LZTS1: variants seen among roughly 807,000 people sequenced by gnomAD.
LZTS1 encodes leucine zipper putative tumor suppressor 1.
LZTS1 carries 31 observed loss-of-function variants against 45.8 expected under a neutral mutation model. The observed-to-expected ratio is 0.68, with a 90% CI of 0.51 to 0.91. LZTS1 has a LOEUF of 0.91. Among genes scored for constraint, LZTS1 ranks in the 40% least tolerant of loss-of-function variants. The pLI, the probability that LZTS1 is intolerant of heterozygous loss-of-function variation, is 0.00. For missense variants in LZTS1, 821 were observed against 788.9 expected (o/e 1.04, Z -0.49); for synonymous variants, 359 against 357.3 (o/e 1.00, Z -0.05).
At chr8:20,262,967 T>C (rs1284951828) in intron 1 of LZTS1, among the ~76,000 whole-genome samples, 2 of 152,340 alleles carry the variant, frequency 1.3e-5, no homozygotes, top group Middle Eastern at 3.4e-3. Flanking sequence ...ACTTGTAATA[T>C]GAAGGCAACC....
intron 1 of LZTS1, among the ~76,000 whole-genome samples, chr8:20,287,291 G>A (rs1030438480): frequency 2.0e-5 from 3 of 152,182 alleles, no homozygotes; most frequent in Non-Finnish European, 2.9e-5. Context: ...ACCCTTTCAC[G>A]GGGCCCAGCT....
At chr8:20,270,497 G>A (rs1182066150) in intron 1 of LZTS1, among the ~76,000 whole-genome samples, 2 of 152,224 alleles carry the variant, frequency 1.3e-5, no homozygotes, top group African/African-American at 4.8e-5. Context: ...TGGAGCTTGT[G>A]AGTTTGGATG....
intron 2 of LZTS1, among the ~76,000 whole-genome samples, chr8:20,254,503 C>T (rs1218361495): frequency 6.6e-6 from 1 of 152,234 alleles, no homozygotes; most frequent in Admixed American, 6.5e-5. Flanking sequence ...GCTCCCTCTC[C>T]TTCCCGAGGC....
chr8:20,273,243 C>T (rs995679091), intron 1 of LZTS1, among the ~76,000 whole-genome samples: 4 of 152,104 alleles, frequency 2.6e-5, no homozygotes, highest in Admixed American at 6.5e-5. Context: ...CCTCCTGTTG[C>T]GCAGCCTGTC....
chr8:20,265,559 G>A (rs1800335750), intron 1 of LZTS1, among the ~76,000 whole-genome samples: 1 of 151,104 alleles, frequency 6.6e-6, no homozygotes, highest in Non-Finnish European at 1.5e-5. Flanking sequence ...AATGCCTATA[G>A]TCCCAGCTAT....
At position 20,300,421 on chromosome 8, in the gene LZTS1, C is replaced by T. The variant is rs560293177; in HGVS notation, c.-135+3319G>A. On this transcript the variant is annotated intron_variant, in intron 1 of 3. Transcript: ENST00000381569. ...GATCTCGGCTCACTGCAAGCTCCCC[C>T]TCCCGGGTTCACGCCATTCTCCTGC... is the stretch of plus-strand genomic sequence containing the variant. Among the ~76,000 whole-genome samples the T allele has an allele frequency of 1.1e-4, 17 of 152,104 alleles. No individual in the cohort carries two copies. The East Asian group carries it at 1.2e-3, about 10-fold the overall frequency.
At chr8:20,295,575 G>A (rs1011929885) in intron 1 of LZTS1, among the ~76,000 whole-genome samples, 4 of 152,130 alleles carry the variant, frequency 2.6e-5, no homozygotes, top group South Asian at 2.1e-4. Context: ...TATCAGATGC[G>A]GGACACACAT....
intron 1 of LZTS1, among the ~76,000 whole-genome samples, chr8:20,259,650 G>A (rs770222964): frequency 8.5e-5 from 13 of 152,128 alleles, no homozygotes; most frequent in Non-Finnish European, 1.3e-4. Context: ...GTGAACATAC[G>A]AAGTCTTGAC....
intron 1 of LZTS1, among the ~76,000 whole-genome samples, chr8:20,273,342 G>A (rs758088247): frequency 1.3e-5 from 2 of 152,004 alleles, no homozygotes; most frequent in Admixed American, 6.6e-5. Flanking sequence ...TCTGCACGGC[G>A]TCAGCTGCAT....
At chr8:20,289,235 CACCGATCTA>C (rs1800853963) in intron 1 of LZTS1, 1 of 152,172 alleles carries the variant, frequency 6.6e-6, no homozygotes, top group Non-Finnish European at 1.5e-5. Context: ...GCTTGGAAGT[CACCGATCTA>C]ACCAACGGAC....
intron 1 of LZTS1, among the ~76,000 whole-genome samples, chr8:20,285,052 T>C (rs149407026): frequency 6.6e-6 from 1 of 152,350 alleles, no homozygotes; most frequent in African/African-American, 2.4e-5. Flanking sequence ...TCACAGGTGG[T>C]GACCTCATAG....
At chr8:20,286,094 G>A (rs1800786995) in intron 1 of LZTS1, among the ~76,000 whole-genome samples, 1 of 152,106 alleles carries the variant, frequency 6.6e-6, no homozygotes, top group South Asian at 2.1e-4. Context: ...CCTTTGGATA[G>A]GCAAAAATTT....
Position 20,250,313 on chromosome 8 carries a change from C to T in LZTS1, c.1200G>A (p.Glu400=). The change falls in exon 4 of 4, where the codon GAG becomes GAA. Residue 400 remains glutamate, a synonymous_variant. Transcript: ENST00000381569. ...EISLLKQQLK[E]SQTEVNAKAS... is the part of the protein sequence containing the mutation. ...CCTTGGCGTTCACCTCCGTCTGGGA[C>T]TCCTTCAGCTGCTGCTTCAGGAGGG... 2 of 1,612,080 alleles carry T rather than the reference C, an allele frequency of 1.2e-6. No individual in the cohort carries two copies. The highest frequency in any genetic ancestry group is 1.7e-6 in the Non-Finnish European group (2 of 1,178,838).
intron 1 of LZTS1, among the ~76,000 whole-genome samples, chr8:20,289,552 G>A (rs186027322): frequency 6.6e-6 from 1 of 152,156 alleles, no homozygotes; most frequent in Non-Finnish European, 1.5e-5. Context: ...ACTGCTCCAG[G>A]GTCAGGCAAT....
intron 1 of LZTS1, among the ~76,000 whole-genome samples, chr8:20,268,945 G>C (rs574033760): frequency 6.6e-6 from 1 of 152,090 alleles, no homozygotes; most frequent in Non-Finnish European, 1.5e-5. Flanking sequence ...CCACTCTGCC[G>C]GGCGGGCTTT....
At chr8:20,265,807 C>A (rs1800342937) in intron 1 of LZTS1, among the ~76,000 whole-genome samples, 1 of 151,870 alleles carries the variant, frequency 6.6e-6, no homozygotes, top group African/African-American at 2.4e-5. Flanking sequence ...CCCTGCTCTG[C>A]GCAGAGGGCA....
intron 1 of LZTS1, among the ~76,000 whole-genome samples, chr8:20,268,309 G>A (rs966833480): frequency 1.3e-5 from 2 of 151,648 alleles, no homozygotes; most frequent in East Asian, 2.0e-4. Flanking sequence ...ACTGGTGGGC[G>A]GGCCTCCAGC....
chr8:20,282,392 T>A (rs368440465), intron 1 of LZTS1, among the ~76,000 whole-genome samples: 1 of 152,168 alleles, frequency 6.6e-6, no homozygotes, highest in South Asian at 2.1e-4. Flanking sequence ...AACAGTAGAA[T>A]GAGTTATCTC....
intron 1 of LZTS1, among the ~76,000 whole-genome samples, chr8:20,293,968 A>T (rs1331850574): frequency 2.0e-5 from 3 of 152,168 alleles, no homozygotes; most frequent in African/African-American, 7.2e-5. Context: ...AAAAGAAAAA[A>T]GAAAATGGAA....
Sources: gnomAD v4.1 joint callset for allele counts (sites outside exome capture counted in the v4.1 genomes callset) on GRCh38, gnomAD v4.1.1 for gene constraint, MANE v1.5 for transcripts, NCBI Gene and HGNC (gene_info 2026-07-23, HGNC 2026-07-21) for gene names.